Variants in ARHGEF3 observed in about 807,000 individuals in gnomAD.
ARHGEF3 encodes 59.8 kDA protein.
Under a neutral mutation model 63.2 loss-of-function variants are expected in ARHGEF3, and 28 were observed. The ratio of observed to expected loss-of-function variants is 0.44; its 90% confidence interval spans 0.33 to 0.61. ARHGEF3 has a LOEUF of 0.61. ARHGEF3 is among the 20% of genes least tolerant of loss of function. The pLI is 0.03. For synonymous variants in ARHGEF3, 266 were observed against 254.2 expected (o/e 1.05, Z -0.44); for missense variants, 533 against 659.3 (o/e 0.81, Z 2.10).
At chr3:57,013,338 G>C (rs1702791595) in intron 2 of ARHGEF3, among the ~76,000 whole-genome samples, 1 of 152,250 alleles carries the variant, frequency 6.6e-6, no homozygotes, top group Admixed American at 6.5e-5. Flanking sequence ...CCTGAGTCCA[G>C]TAGGGGCTTG....
At chr3:57,068,046 A>C (rs1050726323) in intron 1 of ARHGEF3, among the ~76,000 whole-genome samples, 1 of 151,942 alleles carries the variant, frequency 6.6e-6, no homozygotes, top group African/African-American at 2.4e-5. Context: ...GGTGGCATGC[A>C]CCTGTAGTCC....
intron 1 of ARHGEF3, among the ~76,000 whole-genome samples, chr3:57,054,195 T>C (rs1281357655): frequency 6.6e-6 from 1 of 152,160 alleles, no homozygotes; most frequent in Admixed American, 6.5e-5. Context: ...GTCATTCTGG[T>C]GGGTATATAG....
At chr3:57,047,271 C>T (rs539378071) in intron 1 of ARHGEF3, among the ~76,000 whole-genome samples, 2 of 152,172 alleles carry the variant, frequency 1.3e-5, no homozygotes, top group South Asian at 2.1e-4. Context: ...TCACTTGAAC[C>T]GGGAGGTGGA....
rs147787083 is a variant in ARHGEF3, at chr3:56,913,839, C to T, written c.130-31485G>A. ...TATACGAAAAAGATACTTGCACATG[C>T]ATGTTTATAGCAACACAATTCGCAA... On this transcript the variant is annotated intron_variant, in intron 3 of 12. Coordinates refer to the ARHGEF3 transcript ENST00000338458. 2.4e-3 allele frequency among the ~76,000 whole-genome samples: 373 copies of T among 152,292 alleles called. 1 individual carries two copies. The highest frequency in any genetic ancestry group is 8.7e-3 in the African/African-American group (363 of 41,564).
At chr3:56,799,238 T>C (rs2107958605) in intron 1 of ARHGEF3, among the ~76,000 whole-genome samples, 1 of 152,294 alleles carries the variant, frequency 6.6e-6, no homozygotes, top group Middle Eastern at 3.4e-3. Context: ...TTTTCCTAAG[T>C]GATTTTCCCC....
chr3:57,034,656 CTTTT>C (rs34696155), intron 2 of ARHGEF3, among the ~76,000 whole-genome samples: 7 of 109,494 alleles, frequency 6.4e-5, no homozygotes, highest in Admixed American at 1.0e-4. Context: ...ACTCCAAATT[CTTTT>C]TTTTTTTTTT....
intron 3 of ARHGEF3, among the ~76,000 whole-genome samples, chr3:56,923,504 G>A (rs1054281905): frequency 2.0e-5 from 3 of 151,802 alleles, no homozygotes; most frequent in African/African-American, 7.3e-5. Context: ...CTAAGAAAAA[G>A]GTAATAGAAA....
intron 4 of ARHGEF3, among the ~76,000 whole-genome samples, chr3:56,864,465 C>A (rs2040178570): frequency 6.6e-6 from 1 of 152,222 alleles, no homozygotes; most frequent in South Asian, 2.1e-4. Flanking sequence ...GGTCAAGCTC[C>A]CTGGTTAAAT....
chr3:56,816,221 A>T lies in ARHGEF3; in HGVS notation c.193-42405T>A, dbSNP rs974067005. Among the ~76,000 whole-genome samples, 3 of 152,160 alleles carry T rather than the reference A, an allele frequency of 2.0e-5. No homozygotes were observed. The East Asian group carries it at 5.8e-4, about 29-fold the overall frequency. On this transcript the variant is annotated intron_variant, in intron 4 of 12. Coordinates refer to the ARHGEF3 transcript ENST00000338458. Reference sequence around the variant, plus strand: ...CAGAGCAAGACTCTGTCTCTAAAAAACAAAACAAAAATACACATCTAGATG... The same window carrying T: ...CAGAGCAAGACTCTGTCTCTAAAAATCAAAACAAAAATACACATCTAGATG...
At chr3:56,972,571 A>T (rs1262726402) in intron 2 of ARHGEF3, among the ~76,000 whole-genome samples, 1 of 151,984 alleles carries the variant, frequency 6.6e-6, no homozygotes, top group Non-Finnish European at 1.5e-5. Flanking sequence ...GATATTTAGT[A>T]TGGAGTGCCC....
At chr3:56,762,911 A>G (rs1247140754) in intron 2 of ARHGEF3, among the ~76,000 whole-genome samples, 1 of 152,184 alleles carries the variant, frequency 6.6e-6, no homozygotes, top group African/African-American at 2.4e-5. Flanking sequence ...AGTGAGAAGT[A>G]ACACTTCCCA....
At chr3:56,817,695 G>A (rs2038323244) in intron 4 of ARHGEF3, among the ~76,000 whole-genome samples, 1 of 152,124 alleles carries the variant, frequency 6.6e-6, no homozygotes, top group African/African-American at 2.4e-5. Flanking sequence ...TATAAATGAG[G>A]GCATGGAGGC....
At chr3:56,876,254 A>G (rs895905816) in intron 4 of ARHGEF3, among the ~76,000 whole-genome samples, 2 of 152,204 alleles carry the variant, frequency 1.3e-5, no homozygotes, top group Non-Finnish European at 2.9e-5. Context: ...TTGGAAGCAC[A>G]GTCTGGGAAC....
Position 56,841,614 on chromosome 3 carries a change from T to C in ARHGEF3, c.192+40678A>G, listed in dbSNP as rs115270036. ...GTTTCTAAGTCTTTAGTTACATAGTTTCATACTCAGAGACCTCACCCCCAC... is the reference window on the plus strand; with the variant it reads ...GTTTCTAAGTCTTTAGTTACATAGTCTCATACTCAGAGACCTCACCCCCAC... On this transcript the variant is annotated intron_variant, in intron 4 of 12. Transcript: ENST00000338458. Among the ~76,000 whole-genome samples, 263 of 152,262 alleles carry C rather than the reference T, an allele frequency of 1.7e-3. 1 individual carries two copies. Among genetic ancestry groups the C allele is most frequent in the African/African-American group, 5.9e-3 (247 of 41,552 alleles).
chr3:56,990,627 T>C (rs2106947669), intron 2 of ARHGEF3, among the ~76,000 whole-genome samples: 1 of 152,320 alleles, frequency 6.6e-6, no homozygotes, highest in African/African-American at 2.4e-5. Context: ...GAGACACAAA[T>C]AAAAAGAACT....
chr3:56,883,077 A>G lies in ARHGEF3; in HGVS notation c.130-723T>C, dbSNP rs537823637. ...TATTCCATTTTTAGAGGTGCTTTGT[A>G]CTTAAGTAATTTAAACTTGCTCTAA... On this transcript the variant is annotated intron_variant, in intron 3 of 12. Coordinates refer to the ARHGEF3 transcript ENST00000338458. 1.9e-3 allele frequency among the ~76,000 whole-genome samples: 289 copies of G among 152,326 alleles called. 1 individual carries two copies. The highest frequency in any genetic ancestry group is 6.7e-3 in the African/African-American group (280 of 41,570).
At position 57,068,154 on chromosome 3, in the gene ARHGEF3, C is replaced by T. The variant is rs185397084; in HGVS notation, c.-28+11072G>A. ...TGTTTCACCAAATAATTCAGATATG[C>T]GCGCACACACACATACACACACACA... On this transcript the variant is annotated intron_variant, in intron 1 of 12. Transcript: ENST00000338458. Among the ~76,000 whole-genome samples the T allele has an allele frequency of 1.1e-3, 100 of 88,512 alleles. No individual in the cohort carries two copies. In the East Asian group the frequency reaches 0.034, roughly 31 times the overall value. The allele number at this position is 88,512 out of a possible 152,430, so 58.1% of individuals were successfully genotyped here.
intron 1 of ARHGEF3, among the ~76,000 whole-genome samples, chr3:56,774,714 A>G (rs7642971): frequency 0.19 from 28,587 of 152,054 alleles, 3,934 homozygotes; most frequent in African/African-American, 0.39. Context: ...AGCCTGGCCA[A>G]GATGGTGAAA....
chr3:56,934,758 G>C (rs567568545), intron 3 of ARHGEF3, among the ~76,000 whole-genome samples: 2 of 152,226 alleles, frequency 1.3e-5, no homozygotes, highest in African/African-American at 4.8e-5. Context: ...CCCACTCCAT[G>C]GGCTCCTGTG....
Sources: gnomAD v4.1 joint callset for allele counts (sites outside exome capture counted in the v4.1 genomes callset) on GRCh38, gnomAD v4.1.1 for gene constraint, MANE v1.5 for transcripts, NCBI Gene and HGNC (gene_info 2026-07-23, HGNC 2026-07-21) for gene names.